LDLRAD3: variants seen among roughly 807,000 people sequenced by gnomAD.
LDLRAD3 encodes low-density lipoprotein receptor class A domain-containing protein 3.
LDLRAD3 carries 20 observed loss-of-function variants against 29.4 expected under a neutral mutation model. That is an observed-to-expected ratio of 0.68 (90% CI 0.48 to 0.99). The LOEUF (loss-of-function observed/expected upper bound fraction) is 0.99. LDLRAD3 is among the 50% of genes least tolerant of loss of function. LDLRAD3 has a pLI of 0.00. For missense variants in LDLRAD3, 420 were observed against 454.3 expected (o/e 0.92, Z 0.69); for synonymous variants, 157 against 192.7 (o/e 0.81, Z 1.53).
At chr11:36,134,433 G>A (rs1357937505) in intron 4 of LDLRAD3, among the ~76,000 whole-genome samples, 1 of 152,150 alleles carries the variant, frequency 6.6e-6, no homozygotes, top group African/African-American at 2.4e-5. Context: ...CTTAATCATA[G>A]ATTCTCACTC....
chr11:36,076,946 T>C (rs924260437), intron 2 of LDLRAD3, among the ~76,000 whole-genome samples: 1 of 152,298 alleles, frequency 6.6e-6, no homozygotes, highest in African/African-American at 2.4e-5. Flanking sequence ...TGTGGTGGTG[T>C]TATTTACTAG....
chr11:35,954,221 C>A (rs1851173414), intron 1 of LDLRAD3, among the ~76,000 whole-genome samples: 1 of 152,024 alleles, frequency 6.6e-6, no homozygotes, highest in South Asian at 2.1e-4. Flanking sequence ...AATAAGCATA[C>A]CAGAACAGTC....
chr11:36,212,845 G>A (rs1002984753), intron 4 of LDLRAD3, among the ~76,000 whole-genome samples: 6 of 152,152 alleles, frequency 3.9e-5, no homozygotes, highest in Non-Finnish European at 5.9e-5. Context: ...CCAGTTGGCT[G>A]TTCAGTAGCA....
At chr11:36,108,922 G>A (rs57300581) in intron 4 of LDLRAD3, among the ~76,000 whole-genome samples, 4,533 of 152,168 alleles carry the variant, frequency 0.03, 219 homozygotes, top group African/African-American at 0.1. Flanking sequence ...GGTGGGGTTA[G>A]TGGGTGGAAA....
At chr11:36,110,668 G>A (rs1183908772) in intron 4 of LDLRAD3, among the ~76,000 whole-genome samples, 4 of 152,192 alleles carry the variant, frequency 2.6e-5, no homozygotes, top group South Asian at 2.1e-4. Flanking sequence ...CAGAGTGCCT[G>A]CAATTGCCCG....
chr11:36,153,047 G>C (rs72935533), intron 4 of LDLRAD3, among the ~76,000 whole-genome samples: 10,590 of 152,170 alleles, frequency 0.07, 538 homozygotes, highest in East Asian at 0.25. Context: ...TCCTGAATCT[G>C]CCATTTACCA....
intron 4 of LDLRAD3, among the ~76,000 whole-genome samples, chr11:36,125,540 A>C (rs1853823883): frequency 1.3e-5 from 2 of 152,230 alleles, no homozygotes; most frequent in African/African-American, 4.8e-5. Flanking sequence ...TGAATGGATG[A>C]ATGAATTTCT....
chr11:36,217,689 G>A (rs1855370912), intron 4 of LDLRAD3, among the ~76,000 whole-genome samples: 8 of 152,208 alleles, frequency 5.3e-5, no homozygotes, highest in Admixed American at 5.2e-4. Flanking sequence ...TGAAGGTACT[G>A]GCAGGGTTTG....
At chr11:36,183,966 T>C in intron 4 of LDLRAD3, 1 of 264,596 alleles carries the variant, frequency 3.8e-6, no homozygotes. Context: ...ATTTCATCTT[T>C]TTTTTTTTTT....
At position 36,183,249 on chromosome 11, in the gene LDLRAD3, T is replaced by C. The variant is rs867839374; in HGVS notation, c.455-43836T>C. ...GTGTGAATGAAAGAAAAGCAGCATG[T>C]ACTTTTACAAACCTTAATTTAAGCA... On this transcript the variant is annotated intron_variant, in intron 4 of 5. Transcript: ENST00000315571. 3.9e-5 allele frequency among the ~76,000 whole-genome samples: 6 copies of C among 152,338 alleles called. No individual in the cohort carries two copies. The South Asian group carries it at 8.3e-4, about 21-fold the overall frequency.
intron 1 of LDLRAD3, among the ~76,000 whole-genome samples, chr11:36,017,980 T>C (rs943818899): frequency 6.6e-6 from 1 of 152,188 alleles, no homozygotes; most frequent in Non-Finnish European, 1.5e-5. Flanking sequence ...TCAGTCAGAA[T>C]TGTGTAAGCT....
At chr11:36,117,681 G>A (rs1853694196) in intron 4 of LDLRAD3, among the ~76,000 whole-genome samples, 2 of 152,224 alleles carry the variant, frequency 1.3e-5, no homozygotes, top group Admixed American at 6.5e-5. Flanking sequence ...TGTGACAGCC[G>A]TGGCTGCTGT....
chr11:35,968,240 AT>A, intron 1 of LDLRAD3: 1 of 408,406 alleles, frequency 2.4e-6, no homozygotes, highest in South Asian at 1.9e-5. Flanking sequence ...GGGTGAAGGG[AT>A]TAGTATTGAC....
chr11:36,016,702 T>C (rs186251300), intron 1 of LDLRAD3, among the ~76,000 whole-genome samples: 1 of 152,346 alleles, frequency 6.6e-6, no homozygotes, highest in East Asian at 1.9e-4. Context: ...GAGTGTGTGT[T>C]CTAAGATTGT....
Position 35,996,720 on chromosome 11 carries a change from C to A in LDLRAD3, c.47-39383C>A, listed in dbSNP as rs575446071. On this transcript the variant is annotated intron_variant, in intron 1 of 5. Transcript: ENST00000315571. ...TGATGTTCTCACCTGATTGAGAGGGCCAGGAGCAAGGACCATGATGAAGGG... is the reference window on the plus strand; with the variant it reads ...TGATGTTCTCACCTGATTGAGAGGGACAGGAGCAAGGACCATGATGAAGGG... 4.5e-4 allele frequency among the ~76,000 whole-genome samples: 69 copies of A among 152,204 alleles called. 2 individuals are homozygous for A. The South Asian group carries it at 0.014, about 31-fold the overall frequency.
chr11:35,951,161 G>A (rs905748458), intron 1 of LDLRAD3, among the ~76,000 whole-genome samples: 4 of 151,954 alleles, frequency 2.6e-5, no homozygotes, highest in African/African-American at 4.8e-5. Flanking sequence ...AGAAGTAATG[G>A]CAATAATAAA....
chr11:36,083,771 CACACACACA>C (rs1565210943), intron 3 of LDLRAD3, among the ~76,000 whole-genome samples: 78 of 131,688 alleles, frequency 5.9e-4, no homozygotes, highest in East Asian at 2.6e-3. Flanking sequence ...CACACACACA[CACACACACA>C]CCCCAGAATA....
At chr11:35,962,693 T>G (rs1851292901) in intron 1 of LDLRAD3, among the ~76,000 whole-genome samples, 1 of 152,204 alleles carries the variant, frequency 6.6e-6, no homozygotes, top group Non-Finnish European at 1.5e-5. Flanking sequence ...CCCTTTCCTG[T>G]TTAAATATGT....
chr11:36,092,326 A>T (rs1403334955), intron 3 of LDLRAD3, among the ~76,000 whole-genome samples: 1 of 152,004 alleles, frequency 6.6e-6, no homozygotes, highest in Non-Finnish European at 1.5e-5. Context: ...AAATTTATGC[A>T]TATATATGGG....
Sources: allele counts gnomAD v4.1 joint callset (sites outside exome capture counted in the v4.1 genomes callset), GRCh38; gene constraint gnomAD v4.1.1; transcripts MANE v1.5; gene names NCBI Gene and HGNC (gene_info 2026-07-23, HGNC 2026-07-21).